The following LARGE1 variants were observed in gnomAD, a reference collection of about 807,000 sequenced individuals.
LARGE1 encodes the protein LARGE xylosyl- and glucuronyltransferase 1, also known as xylosyl- and glucuronyltransferase LARGE1.
In LARGE1, 43 loss-of-function variants were observed where a neutral mutation model predicts 87.6. The ratio of observed to expected loss-of-function variants is 0.49; its 90% CI spans 0.38 to 0.63. LARGE1 has a LOEUF of 0.63. Among genes scored for constraint, LARGE1 ranks in the 30% least tolerant of loss-of-function variants. The pLI is 0.00. For synonymous variants in LARGE1, 434 were observed against 394.6 expected (o/e 1.10, Z -1.18); for missense variants, 802 against 1,000.2 (o/e 0.80, Z 2.67).
intron 7 of LARGE1, among the ~76,000 whole-genome samples, chr22:33,406,855 C>A (rs1295201070): frequency 6.6e-6 from 1 of 151,784 alleles, no homozygotes; most frequent in Non-Finnish European, 1.5e-5. Flanking sequence ...TGCAATGGCA[C>A]GATCTTGGCT....
chr22:33,107,960 T>C, the LARGE1 span, among the ~76,000 whole-genome samples: 1 of 152,072 alleles, frequency 6.6e-6, no homozygotes, highest in Admixed American at 6.6e-5. Flanking sequence ...AAAAATGAAT[T>C]AAAATAAGCA....
intron 1 of LARGE1, among the ~76,000 whole-genome samples, chr22:33,863,512 C>G (rs949966948): frequency 1.1e-4 from 16 of 151,618 alleles, no homozygotes; most frequent in Admixed American, 9.9e-4. Flanking sequence ...GTAATCCCAA[C>G]ACTGGGAGGC....
At chr22:33,274,700 T>G (rs947486026) in intron 14 of LARGE1, 76 bp from the exon 15 acceptor site, 1 of 1,281,126 alleles carries the variant, frequency 7.8e-7, no homozygotes, top group Non-Finnish European at 1.1e-6. Context: ...AGCGAATGAT[T>G]GAATGGCTAG....
At chr22:33,138,989 A>G in the LARGE1 span, among the ~76,000 whole-genome samples, 1 of 152,112 alleles carries the variant, frequency 6.6e-6, no homozygotes, top group African/African-American at 2.4e-5. Context: ...GTGATAGTGA[A>G]TAAGTCTCAC....
chr22:33,514,991 C>T (rs538935613), intron 6 of LARGE1, among the ~76,000 whole-genome samples: 10 of 152,010 alleles, frequency 6.6e-5, no homozygotes, highest in Non-Finnish European at 1.0e-4. Context: ...CTCGCAGGCA[C>T]GTAATGTTCC....
intron 6 of LARGE1, among the ~76,000 whole-genome samples, chr22:33,435,438 C>G (rs993934448): frequency 6.6e-6 from 1 of 152,220 alleles, no homozygotes; most frequent in Non-Finnish European, 1.5e-5. Context: ...AGGTGTAGTA[C>G]TGAACACACA....
At chr22:33,097,728 A>G in the LARGE1 span, among the ~76,000 whole-genome samples, 1 of 152,208 alleles carries the variant, frequency 6.6e-6, no homozygotes, top group Non-Finnish European at 1.5e-5. Flanking sequence ...TTAACAGTTG[A>G]GGTCAAATAA....
chr22:33,913,867 A>G (rs960111487), intron 1 of LARGE1, among the ~76,000 whole-genome samples: 2 of 152,180 alleles, frequency 1.3e-5, no homozygotes, highest in South Asian at 2.1e-4. Flanking sequence ...TTGGTTTTGC[A>G]TAACAGGTGA....
chr22:33,656,248 T>C (rs893192555), intron 2 of LARGE1, among the ~76,000 whole-genome samples: 1 of 152,162 alleles, frequency 6.6e-6, no homozygotes, highest in Non-Finnish European at 1.5e-5. Flanking sequence ...CTCACAATTA[T>C]GGTGAAAGGT....
rs369237239 is a variant in LARGE1, at chr22:33,623,945, G to A, written c.491+2299C>T. Among the ~76,000 whole-genome samples the A allele has an allele frequency of 1.4e-3, 214 of 152,144 alleles. 1 individual carries two copies. Among genetic ancestry groups the A allele is most frequent in the African/African-American group, 4.9e-3 (202 of 41,512 alleles). Reference sequence around the variant, plus strand: ...CTTGGGCAGCTGTGGCAGGAGAATCGCTGGAATCCAGGAGGCAGAGGTTTC... The same window carrying A: ...CTTGGGCAGCTGTGGCAGGAGAATCACTGGAATCCAGGAGGCAGAGGTTTC... On this transcript the variant is annotated intron_variant, in intron 4 of 14. Transcript: ENST00000397394.
intron 7 of LARGE1, among the ~76,000 whole-genome samples, chr22:33,398,589 A>G (rs2065830140): frequency 6.6e-6 from 1 of 152,198 alleles, no homozygotes; most frequent in African/African-American, 2.4e-5. Flanking sequence ...AAGTTGAGGA[A>G]AAGTGTTCTT....
At position 33,604,427 on chromosome 22, in the gene LARGE1, G is replaced by GC. The variant is rs772899087; in HGVS notation, c.615+7dup. On this transcript the variant is annotated splice_region_variant and intron_variant, in intron 5 of 14. Coordinates refer to ENST00000397394, the MANE Select transcript of LARGE1 (RefSeq NM_133642.5). ...AGATCACGGAAGTGCCTCCCCTCCT[G>GC]CCCATACCTTGAGCTCGTCTGCATT... The GC allele has an allele frequency of 6.2e-7, 1 of 1,613,942 alleles. No homozygotes were observed. The highest frequency in any genetic ancestry group is 1.3e-5 in the African/African-American group (1 of 75,022).
At position 33,746,567 on chromosome 22, in the gene LARGE1, CT is replaced by C. The variant is rs1382669552; in HGVS notation, c.106+14803del. ...GGTGATCCACCCAATGGCACTGGCA[CT>C]TTGTGCTGGGCACTTTTGTAGGCAA... On this transcript the variant is annotated intron_variant, in intron 2 of 14. Coordinates refer to ENST00000397394, the MANE Select transcript of LARGE1 (RefSeq NM_133642.5). The C allele has an allele frequency of 2.6e-5, 4 of 152,178 alleles. No homozygotes were observed. The South Asian group carries it at 6.2e-4, about 24-fold the overall frequency. 9.4% of individuals were successfully genotyped at this position (152,178 alleles called of 1,614,324 possible). A position where few individuals can be genotyped will look rare whatever the true frequency, so the allele number is the denominator to read the frequency against.
intron 1 of LARGE1, among the ~76,000 whole-genome samples, chr22:33,915,042 C>CAGAGAGAGAGAGAGAG (rs57289711): frequency 9.5e-5 from 13 of 137,028 alleles, no homozygotes; most frequent in African/African-American, 2.8e-4. Flanking sequence ...CACACACACA[C>CAGAGAGAGAGAGAGAG]AGAGAGAGAG....
chr22:33,089,606 T>A, the LARGE1 span, among the ~76,000 whole-genome samples: 1 of 151,344 alleles, frequency 6.6e-6, no homozygotes, highest in Non-Finnish European at 1.5e-5. Flanking sequence ...CAAGGGATCC[T>A]GCCACCTCAG....
At chr22:33,395,347 G>A (rs1290182064) in intron 7 of LARGE1, among the ~76,000 whole-genome samples, 1 of 151,862 alleles carries the variant, frequency 6.6e-6, no homozygotes, top group African/African-American at 2.4e-5. Flanking sequence ...GTGGGTAACC[G>A]GATGGAGCCA....
intron 2 of LARGE1, among the ~76,000 whole-genome samples, chr22:33,687,612 G>T (rs938839370): frequency 1.3e-5 from 2 of 152,142 alleles, no homozygotes; most frequent in Non-Finnish European, 2.9e-5. Flanking sequence ...AGCCACGCCA[G>T]AAGTTCTGCC....
At chr22:33,129,674 T>TG in the LARGE1 span, among the ~76,000 whole-genome samples, 53,599 of 151,894 alleles carry the variant, frequency 0.35, 9,627 homozygotes, top group South Asian at 0.46. Flanking sequence ...TCTTCATGGC[T>TG]GGGAGGCCTC....
At chr22:33,739,161 C>T (rs920689122) in intron 2 of LARGE1, among the ~76,000 whole-genome samples, 3 of 152,058 alleles carry the variant, frequency 2.0e-5, no homozygotes, top group Non-Finnish European at 2.9e-5. Flanking sequence ...TGTCCTTTAC[C>T]GTGCCAGCCC....
Sources: allele counts gnomAD v4.1 joint callset (sites outside exome capture counted in the v4.1 genomes callset), GRCh38; gene constraint gnomAD v4.1.1; transcripts MANE v1.5; gene names NCBI Gene and HGNC (gene_info 2026-07-23, HGNC 2026-07-21).